ROBO1: variants seen among roughly 807,000 people sequenced by gnomAD.
ROBO1 encodes roundabout guidance receptor 1.
Under a neutral mutation model 195.9 loss-of-function variants are expected in ROBO1, and 149 were observed. That is an observed-to-expected ratio of 0.76 (90% CI 0.67 to 0.87). The LOEUF (loss-of-function observed/expected upper bound fraction) is 0.87. Ranked by LOEUF, ROBO1 falls within the 40% of genes least tolerant of loss-of-function variation. The pLI, the probability that ROBO1 is intolerant of heterozygous loss-of-function variation, is 0.00. For missense variants in ROBO1, 1,933 were observed against 2,068.3 expected (o/e 0.93, Z 1.27); for synonymous variants, 816 against 733.2 (o/e 1.11, Z -1.82).
At chr3:79,653,844 A>G (rs1222543313) in intron 1 of ROBO1, among the ~76,000 whole-genome samples, 2 of 152,006 alleles carry the variant, frequency 1.3e-5, no homozygotes, top group African/African-American at 4.8e-5. Context: ...ATCAAAAGGT[A>G]TAGCTGGTAG....
chr3:78,881,921 T>C (rs1386456513), intron 4 of ROBO1, among the ~76,000 whole-genome samples: 1 of 152,170 alleles, frequency 6.6e-6, no homozygotes, highest in Admixed American at 6.6e-5. Flanking sequence ...ACATAGAGGT[T>C]ATGAATTTTA....
At chr3:79,581,298 A>G (rs1943653975) in intron 2 of ROBO1, among the ~76,000 whole-genome samples, 1 of 151,958 alleles carries the variant, frequency 6.6e-6, no homozygotes. Context: ...CATATGAGGC[A>G]CTCTGTTTGC....
intron 4 of ROBO1, among the ~76,000 whole-genome samples, chr3:78,819,417 G>A (rs1452457588): frequency 6.7e-6 from 1 of 148,420 alleles, no homozygotes; most frequent in Non-Finnish European, 1.5e-5. Flanking sequence ...TGTAGAATAT[G>A]GAATATGGAA....
At chr3:79,524,082 T>C (rs1250910602) in intron 2 of ROBO1, among the ~76,000 whole-genome samples, 1 of 152,090 alleles carries the variant, frequency 6.6e-6, no homozygotes, top group Non-Finnish European at 1.5e-5. Context: ...TAAAGACGCA[T>C]AATGGGATAG....
At chr3:79,320,852 T>C (rs953508749) in intron 2 of ROBO1, among the ~76,000 whole-genome samples, 4 of 152,216 alleles carry the variant, frequency 2.6e-5, no homozygotes, top group Non-Finnish European at 4.4e-5. Flanking sequence ...ACACACTTTA[T>C]ATTTAATCTT....
At chr3:79,090,966 AATAG>A (rs1246115402) in intron 3 of ROBO1, among the ~76,000 whole-genome samples, 4 of 152,154 alleles carry the variant, frequency 2.6e-5, no homozygotes, top group East Asian at 3.9e-4. Context: ...TCATAGTTTT[AATAG>A]ATAGTTTTAT....
intron 2 of ROBO1, among the ~76,000 whole-genome samples, chr3:79,196,871 T>C (rs898903166): frequency 6.6e-6 from 1 of 151,780 alleles, no homozygotes; most frequent in African/African-American, 2.4e-5. Context: ...TTCCTAGTCT[T>C]TGAATGCTTC....
At chr3:79,200,025 A>T (rs968351485) in intron 2 of ROBO1, among the ~76,000 whole-genome samples, 27 of 151,830 alleles carry the variant, frequency 1.8e-4, no homozygotes, top group African/African-American at 6.3e-4. Flanking sequence ...GAGATAAAAA[A>T]TAAGGAGGAC....
chr3:78,703,193 A>AAAAAC (rs533932635), intron 8 of ROBO1, among the ~76,000 whole-genome samples: 32 of 152,240 alleles, frequency 2.1e-4, no homozygotes, highest in African/African-American at 6.5e-4. Context: ...TCCTCTAGGG[A>AAAAAC]AAAACAAAAC....
chr3:79,368,885 G>T (rs968263289), intron 2 of ROBO1, among the ~76,000 whole-genome samples: 56 of 152,222 alleles, frequency 3.7e-4, no homozygotes, highest in African/African-American at 1.3e-3. Flanking sequence ...TTTACATGAT[G>T]AAAGAGTTTT....
intron 5 of ROBO1, among the ~76,000 whole-genome samples, chr3:78,735,604 C>T (rs1246389467): frequency 6.6e-6 from 1 of 152,026 alleles, no homozygotes; most frequent in Admixed American, 6.6e-5. Context: ...AACATAAGGC[C>T]ATCCCCATAC....
intron 2 of ROBO1, among the ~76,000 whole-genome samples, chr3:79,544,109 C>G (rs1035649794): frequency 3.9e-4 from 59 of 151,998 alleles, no homozygotes; most frequent in Middle Eastern, 3.4e-3. Flanking sequence ...CAACAGAAGA[C>G]TGAAAAAAGA....
intron 4 of ROBO1, among the ~76,000 whole-genome samples, chr3:78,816,828 G>A (rs2030016855): frequency 6.6e-6 from 1 of 152,088 alleles, no homozygotes; most frequent in African/African-American, 2.4e-5. Flanking sequence ...CACTTCTTAT[G>A]GATAAGCAAA....
chr3:79,561,727 G>A (rs1942927323), intron 2 of ROBO1, among the ~76,000 whole-genome samples: 2 of 152,112 alleles, frequency 1.3e-5, no homozygotes, highest in Non-Finnish European at 2.9e-5. Flanking sequence ...AATGATAGAG[G>A]AGTTAAGCAA....
At chr3:79,300,412 C>CA (rs2032858820) in intron 2 of ROBO1, among the ~76,000 whole-genome samples, 1 of 152,340 alleles carries the variant, frequency 6.6e-6, no homozygotes, top group South Asian at 2.1e-4. Context: ...GCCGGCCCAC[C>CA]GGCGCTGCGC....
intron 4 of ROBO1, among the ~76,000 whole-genome samples, chr3:78,895,572 T>C (rs961758192): frequency 6.6e-6 from 1 of 152,200 alleles, no homozygotes; most frequent in Non-Finnish European, 1.5e-5. Flanking sequence ...AATATCCTCT[T>C]ATTTAACTGG....
At chr3:78,939,051 C>G in intron 3 of ROBO1, 124 bp from the exon 4 acceptor site, 1 of 794,554 alleles carries the variant, frequency 1.3e-6, no homozygotes, top group South Asian at 1.9e-5. Flanking sequence ...CCTTCCTACC[C>G]TATTTACTAA....
At chr3:78,691,653 A>G (rs542474785) in intron 8 of ROBO1, among the ~76,000 whole-genome samples, 9 of 152,314 alleles carry the variant, frequency 5.9e-5, no homozygotes, top group South Asian at 4.1e-4. Flanking sequence ...GAGTGTATTA[A>G]TAAGTATAGC....
At chr3:78,695,354 C>T (rs529472562) in intron 8 of ROBO1, among the ~76,000 whole-genome samples, 3 of 152,014 alleles carry the variant, frequency 2.0e-5, no homozygotes, top group South Asian at 2.1e-4. Flanking sequence ...GGCTGGGTGA[C>T]GTGGCTCTCG....
Sources: gnomAD v4.1 joint callset for allele counts (sites outside exome capture counted in the v4.1 genomes callset) on GRCh38, gnomAD v4.1.1 for gene constraint, MANE v1.5 for transcripts, NCBI Gene and HGNC (gene_info 2026-07-23, HGNC 2026-07-21) for gene names.